The following PLCL2 variants were observed in gnomAD, a reference collection of about 807,000 sequenced individuals.
PLCL2 encodes phospholipase C like 2.
Under a neutral mutation model 79.6 loss-of-function variants are expected in PLCL2, and 4 were observed. That is an observed-to-expected ratio of 0.05 (90% confidence interval 0.02 to 0.11). PLCL2 has a LOEUF of 0.11. PLCL2 is among the 10% of genes least tolerant of loss of function. The pLI is 1.00. For synonymous variants in PLCL2, 484 were observed against 457.7 expected (o/e 1.06, Z -0.73); for missense variants, 895 against 1,291.0 (o/e 0.69, Z 4.70).
intron 1 of PLCL2, among the ~76,000 whole-genome samples, chr3:16,975,225 C>A (rs555970156): frequency 1.3e-5 from 2 of 152,264 alleles, no homozygotes; most frequent in Admixed American, 1.3e-4. Context: ...ACAGACTTGT[C>A]ACGGGGTTTG....
At chr3:16,948,585 C>G (rs2063622624) in intron 1 of PLCL2, among the ~76,000 whole-genome samples, 1 of 152,114 alleles carries the variant, frequency 6.6e-6, no homozygotes, top group African/African-American at 2.4e-5. Context: ...TCATTCACTA[C>G]TTTCATTTAA....
At chr3:16,919,551 A>G (rs1002263425) in intron 1 of PLCL2, among the ~76,000 whole-genome samples, 3 of 151,586 alleles carry the variant, frequency 2.0e-5, no homozygotes, top group Admixed American at 2.0e-4. Context: ...TATTATTTCC[A>G]TTATCCTTAT....
intron 1 of PLCL2, among the ~76,000 whole-genome samples, chr3:16,919,287 T>C (rs1312417438): frequency 1.3e-5 from 2 of 152,174 alleles, no homozygotes; most frequent in African/African-American, 4.8e-5. Context: ...TATTAGGAAT[T>C]TGTCCATTTC....
chr3:17,024,601 A>G (rs1297752091), intron 3 of PLCL2, among the ~76,000 whole-genome samples: 1 of 152,224 alleles, frequency 6.6e-6, no homozygotes, highest in African/African-American at 2.4e-5. Flanking sequence ...TCAAACAGAA[A>G]AGCAATGATC....
chr3:16,903,539 C>T (rs1696677881), intron 1 of PLCL2, among the ~76,000 whole-genome samples: 1 of 152,292 alleles, frequency 6.6e-6, no homozygotes, highest in African/African-American at 2.4e-5. Context: ...ACTTTCATTG[C>T]TCAATATGAT....
At chr3:16,985,561 C>A in intron 1 of PLCL2, among the ~76,000 whole-genome samples, 1 of 152,104 alleles carries the variant, frequency 6.6e-6, no homozygotes, top group Middle Eastern at 3.2e-3. Flanking sequence ...AGCTGAGAGG[C>A]CTGTATCTCT....
intron 1 of PLCL2, among the ~76,000 whole-genome samples, chr3:16,973,048 A>G (rs748615274): frequency 2.0e-5 from 3 of 152,160 alleles, no homozygotes; most frequent in Non-Finnish European, 4.4e-5. Flanking sequence ...ATTATTATGC[A>G]GACTCGGTTG....
At chr3:16,993,728 G>A (rs553720029) in intron 1 of PLCL2, among the ~76,000 whole-genome samples, 4 of 152,234 alleles carry the variant, frequency 2.6e-5, no homozygotes, top group African/African-American at 9.6e-5. Flanking sequence ...TAAAATCTAA[G>A]CATGACTTAT....
At position 16,963,651 on chromosome 3, in the gene PLCL2, A is replaced by C. The variant is rs9846930; in HGVS notation, c.328-46023A>C. Among the ~76,000 whole-genome samples the C allele has an allele frequency of 2.2e-3, 340 of 152,308 alleles. 2 individuals carry two copies. The highest frequency in any genetic ancestry group is 7.6e-3 in the African/African-American group (318 of 41,578). On this transcript the variant is annotated intron_variant, in intron 1 of 5. Coordinates refer to ENST00000615277, the MANE Select transcript of PLCL2 (RefSeq NM_001144382.2). Reference sequence around the variant, plus strand: ...CTTATTTAACCCCCAGCATATACTCATAAAAGTACTCAAAAGGCCCTGTGA... The same window carrying C: ...CTTATTTAACCCCCAGCATATACTCCTAAAAGTACTCAAAAGGCCCTGTGA...
intron 1 of PLCL2, among the ~76,000 whole-genome samples, chr3:16,975,989 T>C (rs1032213084): frequency 6.6e-6 from 1 of 152,062 alleles, no homozygotes; most frequent in African/African-American, 2.4e-5. Context: ...TTAATTCCCG[T>C]TTTAGAAAGA....
At chr3:17,015,051 C>T (rs2124893628) in intron 3 of PLCL2, 140 bp downstream of exon 3, 2 of 660,842 alleles carry the variant, frequency 3.0e-6, no homozygotes, top group South Asian at 1.8e-5. Flanking sequence ...AAGTAATTCC[C>T]CTGACCTTGC....
At chr3:16,924,038 A>G (rs1472756858) in intron 1 of PLCL2, among the ~76,000 whole-genome samples, 4 of 152,070 alleles carry the variant, frequency 2.6e-5, no homozygotes, top group African/African-American at 4.8e-5. Context: ...TTTGTGCACG[A>G]TTCCCTTTAG....
chr3:16,970,986 C>T lies in PLCL2; in HGVS notation c.328-38688C>T, dbSNP rs556825201. Among the ~76,000 whole-genome samples the T allele has an allele frequency of 5.3e-5, 8 of 152,160 alleles. No individual in the cohort carries two copies. The East Asian group carries it at 5.8e-4, about 11-fold the overall frequency. On this transcript the variant is annotated intron_variant, in intron 1 of 5. Coordinates refer to ENST00000615277, the MANE Select transcript of PLCL2 (RefSeq NM_001144382.2). ...AGCCTTTTATCAGATAAGTAGGTTG[C>T]GAAAATTTTCTCCCATTCTGTAGGT... is the stretch of plus-strand genomic sequence containing the variant.
intron 5 of PLCL2, 55 bp downstream of exon 5, chr3:17,068,120 T>C: frequency 2.2e-6 from 2 of 892,580 alleles, no homozygotes; most frequent in South Asian, 1.4e-5. Context: ...TTCAGCATGC[T>C]TCCCTCTCTT....
intron 1 of PLCL2, among the ~76,000 whole-genome samples, chr3:16,992,389 T>G (rs988227029): frequency 6.6e-6 from 1 of 152,202 alleles, no homozygotes; most frequent in Non-Finnish European, 1.5e-5. Flanking sequence ...GTTCCCTTTG[T>G]GAAGGGAACC....
At chr3:16,977,053 AT>A (rs1163109141) in intron 1 of PLCL2, among the ~76,000 whole-genome samples, 2 of 152,196 alleles carry the variant, frequency 1.3e-5, no homozygotes, top group Non-Finnish European at 2.9e-5. Flanking sequence ...CATTAAAAAA[AT>A]CAAAGTCTTC....
intron 1 of PLCL2, among the ~76,000 whole-genome samples, chr3:16,967,928 T>C (rs1484079082): frequency 2.6e-5 from 4 of 152,252 alleles, no homozygotes; most frequent in South Asian, 4.1e-4. Flanking sequence ...CCATCTTGAG[T>C]TGATTTTTGC....
intron 1 of PLCL2, among the ~76,000 whole-genome samples, chr3:16,980,084 C>A: frequency 8.2e-6 from 1 of 122,126 alleles, no homozygotes; most frequent in Non-Finnish European, 1.7e-5. Flanking sequence ...GGCGGCTGGC[C>A]AGGTAGGGGG....
In PLCL2 at chr3:17,009,803, C is replaced by T. The variant is rs1462336512; in HGVS notation, c.457C>T (p.Arg153Cys). Residue 153 changes from arginine (R) to cysteine (C), a missense_variant, in exon 2 of 6, where the codon CGC becomes TGC. By Grantham distance (180) the Arg-to-Cys change is radical. Transcript: ENST00000615277. This position sits in a 1 kb window ranked among gnomAD's most constrained non-coding sequence, Gnocchi z 4.0. ...MVEGSELKKV[R>C]SNSRIYHRYF... ...TGAGGGTTCAGAACTCAAAAAGGTT[C>T]GCTCCAACTCTAGAATTTATCATAG... 1.2e-6 allele frequency: 2 copies of T among 1,613,296 alleles called. No individual in the cohort carries two copies. The highest frequency in any genetic ancestry group is 1.7e-6 in the Non-Finnish European group (2 of 1,179,446).
Sources: gnomAD v4.1 joint callset for allele counts (sites outside exome capture counted in the v4.1 genomes callset) on GRCh38, gnomAD v4.1.1 for gene constraint, Gnocchi (gnomAD v3.1) non-coding constraint, MANE v1.5 for transcripts, NCBI Gene and HGNC (gene_info 2026-07-23, HGNC 2026-07-21) for gene names.